The following CFAP54 variants were observed in gnomAD, a reference collection of about 807,000 sequenced individuals.
The protein encoded by CFAP54 is cilia- and flagella-associated protein 54.
Under a neutral mutation model 370.4 loss-of-function variants are expected in CFAP54, and 290 were observed. That is an observed-to-expected ratio of 0.78 (90% CI 0.71 to 0.86). The LOEUF is 0.86. Ranked by LOEUF, CFAP54 falls within the 40% of genes least tolerant of loss-of-function variation. The pLI is 0.00. For synonymous variants in CFAP54, 1,206 were observed against 1,236.5 expected (o/e 0.98, Z 0.52); for missense variants, 3,399 against 3,528.7 (o/e 0.96, Z 0.93).
At chr12:96,547,671 C>T (rs766154948) in intron 14 of CFAP54, among the ~76,000 whole-genome samples, 8 of 152,052 alleles carry the variant, frequency 5.3e-5, no homozygotes, top group Admixed American at 1.3e-4. Flanking sequence ...CTGAGATTAT[C>T]GGTAATTAAA....
chr12:96,573,167 G>A (rs1462112177), intron 19 of CFAP54: 1 of 471,322 alleles, frequency 2.1e-6, no homozygotes, highest in East Asian at 1.5e-4. Context: ...AGGGAAGTGG[G>A]GGCATTGGTC....
At chr12:96,633,957 G>GT (rs1272975563) in intron 32 of CFAP54, among the ~76,000 whole-genome samples, 1 of 148,456 alleles carries the variant, frequency 6.7e-6, no homozygotes, top group Non-Finnish European at 1.5e-5. Flanking sequence ...ATTATTACTG[G>GT]TTTTTAAATT....
At chr12:96,708,175 G>C (rs1957565477) in intron 47 of CFAP54, among the ~76,000 whole-genome samples, 1 of 152,118 alleles carries the variant, frequency 6.6e-6, no homozygotes, top group African/African-American at 2.4e-5. Flanking sequence ...TCTAATGATT[G>C]ACGGTGGACT....
At chr12:96,874,897 G>A (rs563912958) in intron 67 of CFAP54, among the ~76,000 whole-genome samples, 21 of 151,796 alleles carry the variant, frequency 1.4e-4, no homozygotes, top group African/African-American at 5.1e-4. Flanking sequence ...GATTACAGGC[G>A]TGAGCCACCG....
chr12:96,817,655 CG>C, intron 64 of CFAP54, 119 bp from the exon 65 acceptor site: 1 of 414,948 alleles, frequency 2.4e-6, no homozygotes, highest in Non-Finnish European at 4.0e-6. Flanking sequence ...CTCCTGACCT[CG>C]TGATCCACCC....
chr12:96,562,424 C>T (rs1365874162), intron 17 of CFAP54, among the ~76,000 whole-genome samples: 1 of 137,520 alleles, frequency 7.3e-6, no homozygotes, highest in Non-Finnish European at 1.6e-5. Flanking sequence ...TTTGTATTTG[C>T]ATTCTTTTTT....
chr12:96,806,391 A>G (rs925499428), intron 63 of CFAP54, among the ~76,000 whole-genome samples: 4 of 151,020 alleles, frequency 2.6e-5, no homozygotes, highest in Non-Finnish European at 5.9e-5. Context: ...TCAAGTGAAA[A>G]CACAAACTTG....
chr12:96,604,421 AC>A (rs1565910968), intron 26 of CFAP54, among the ~76,000 whole-genome samples: 6 of 152,226 alleles, frequency 3.9e-5, no homozygotes, highest in Non-Finnish European at 1.5e-5. Context: ...TCAGGGACCC[AC>A]TTGAGGAGGC....
At position 96,753,790 on chromosome 12, in the gene CFAP54, C is replaced by T. The variant is rs755471965; in HGVS notation, c.7732C>T (p.Pro2578Ser). The change falls in exon 56 of 68, where the codon CCC (proline) becomes TCC (serine). Residue 2578 changes from proline (P) to serine (S), a missense_variant. Coordinates refer to ENST00000524981, the MANE Select transcript of CFAP54 (RefSeq NM_001306084.2). Reference protein sequence around the residue: ...QVYYKNKRKDPSKWLPALHLF... With the variant: ...QVYYKNKRKDSSKWLPALHLF... ...ATATTACAAGAATAAAAGGAAGGAC[C>T]CCTCGAAGTGGTTACCTGCTCTTCA... is the stretch of plus-strand genomic sequence containing the variant. 1 of 1,613,888 alleles carries T rather than the reference C, an allele frequency of 6.2e-7. No homozygotes were observed. Among genetic ancestry groups the T allele is most frequent in the Non-Finnish European group, 8.5e-7 (1 of 1,179,912 alleles).
intron 8 of CFAP54, among the ~76,000 whole-genome samples, chr12:96,525,927 G>A (rs1025484018): frequency 3.9e-5 from 6 of 152,208 alleles, no homozygotes; most frequent in African/African-American, 1.4e-4. Flanking sequence ...CTGACCTTGT[G>A]ATCCACCCGG....
At chr12:96,724,347 G>C (rs1277564690) in intron 50 of CFAP54, among the ~76,000 whole-genome samples, 53 of 151,534 alleles carry the variant, frequency 3.5e-4, no homozygotes, top group Admixed American at 1.2e-3. Flanking sequence ...GTTGTTTCCT[G>C]ACTTTTTAAT....
intron 62 of CFAP54, among the ~76,000 whole-genome samples, chr12:96,790,574 A>G (rs1426355770): frequency 6.6e-6 from 1 of 152,210 alleles, no homozygotes. Context: ...GTTATTGAAT[A>G]TGAATTGTTT....
At chr12:96,832,969 T>A (rs1232523602) in intron 66 of CFAP54, among the ~76,000 whole-genome samples, 2 of 152,216 alleles carry the variant, frequency 1.3e-5, no homozygotes, top group Admixed American at 1.3e-4. Flanking sequence ...GCAGAAGATC[T>A]TGCTGTGCAA....
At chr12:96,718,320 C>G in intron 48 of CFAP54, 123 bp from the exon 49 acceptor site, 1 of 597,514 alleles carries the variant, frequency 1.7e-6, no homozygotes, top group Non-Finnish European at 3.1e-6. Flanking sequence ...GATTGTGCCA[C>G]TGTGCTCCAG....
At chr12:96,582,166 T>C (rs1262656187) in intron 22 of CFAP54, among the ~76,000 whole-genome samples, 2 of 152,200 alleles carry the variant, frequency 1.3e-5, no homozygotes, top group Admixed American at 1.3e-4. Flanking sequence ...GAGTATTAAA[T>C]GGAATTATGC....
intron 6 of CFAP54, among the ~76,000 whole-genome samples, chr12:96,520,452 C>T (rs1346018151): frequency 1.3e-5 from 2 of 152,012 alleles, no homozygotes; most frequent in African/African-American, 2.4e-5. Context: ...GCTGAGGTTG[C>T]AGTAAGCTGA....
chr12:96,807,208 C>T (rs1958891060), intron 63 of CFAP54, among the ~76,000 whole-genome samples: 2 of 152,132 alleles, frequency 1.3e-5, no homozygotes, highest in South Asian at 2.1e-4. Context: ...AAGTAAGGTC[C>T]CATGTGGGTA....
At chr12:96,558,943 C>A (rs767497997) in intron 17 of CFAP54, among the ~76,000 whole-genome samples, 7 of 152,158 alleles carry the variant, frequency 4.6e-5, no homozygotes, top group Non-Finnish European at 8.8e-5. Context: ...AGGCTGGGCA[C>A]TGTGGCTCAT....
intron 57 of CFAP54, 82 bp from the exon 58 acceptor site, chr12:96,757,413 C>T: frequency 4.2e-6 from 3 of 706,002 alleles, no homozygotes; most frequent in Non-Finnish European, 2.2e-6. Flanking sequence ...TACCTTTCAT[C>T]AGCTCAGAAA....
Sources: allele counts gnomAD v4.1 joint callset (sites outside exome capture counted in the v4.1 genomes callset), GRCh38; gene constraint gnomAD v4.1.1; transcripts MANE v1.5; gene names NCBI Gene and HGNC (gene_info 2026-07-23, HGNC 2026-07-21).